The following TSPAN9 variants were observed in gnomAD, a reference collection of about 807,000 sequenced individuals.
TSPAN9 encodes tetraspanin-9.
Under a neutral mutation model 31.0 loss-of-function variants are expected in TSPAN9, and 16 were observed. The ratio of observed to expected loss-of-function variants is 0.52; its 90% confidence interval spans 0.35 to 0.78. The LOEUF (loss-of-function observed/expected upper bound fraction) is 0.78. TSPAN9 is among the 30% of genes least tolerant of loss of function. The pLI, the probability that TSPAN9 is intolerant of heterozygous loss-of-function variation, is 0.01. For missense variants in TSPAN9, 272 were observed against 312.5 expected, an observed-to-expected ratio of 0.87 and a Z score of 0.98; for synonymous variants, 145 against 121.6, an observed-to-expected ratio of 1.19 and a Z score of -1.27.
At chr12:3,222,449 C>T (rs1255636720) in intron 3 of TSPAN9, among the ~76,000 whole-genome samples, 1 of 152,216 alleles carries the variant, frequency 6.6e-6, no homozygotes, top group Non-Finnish European at 1.5e-5. Context: ...CGTCTCCAGG[C>T]GTAAGACCTT....
Position 3,165,616 on chromosome 12 carries a change from A to G in TSPAN9, c.-17-35561A>G, listed in dbSNP as rs113395112. 3.0e-3 allele frequency among the ~76,000 whole-genome samples: 454 copies of G among 152,282 alleles called. 2 individuals carry two copies. Among genetic ancestry groups the G allele is most frequent in the African/African-American group, 0.011 (437 of 41,560 alleles). ...TGTACAGAAGGAGATACTGAGGCCC[A>G]GAGAGAGTTGCTCGCAAAGCTGTGG... On this transcript the variant is annotated intron_variant, in intron 2 of 8. Transcript: ENST00000011898.
intron 3 of TSPAN9, among the ~76,000 whole-genome samples, chr12:3,255,529 C>T (rs1860385): frequency 0.38 from 57,390 of 151,948 alleles, 13,211 homozygotes; most frequent in South Asian, 0.54. Context: ...CCCTGTGCCA[C>T]CCCAAAGGCA....
intron 1 of TSPAN9, among the ~76,000 whole-genome samples, chr12:3,077,836 G>T (rs972979151): frequency 6.6e-6 from 1 of 152,142 alleles, no homozygotes; most frequent in African/African-American, 2.4e-5. Flanking sequence ...CCCAGAGAGG[G>T]CCAGGGGGCC....
In TSPAN9 at chr12:3,147,395, C is replaced by T. The variant is rs987709991; in HGVS notation, c.-17-53782C>T. 3.3e-5 allele frequency among the ~76,000 whole-genome samples: 5 copies of T among 152,304 alleles called. No homozygotes were observed. The highest frequency in any genetic ancestry group is 6.5e-5 in the Admixed American group (1 of 15,304). On this transcript the variant is annotated intron_variant, in intron 2 of 8. Coordinates refer to ENST00000011898, the MANE Select transcript of TSPAN9 (RefSeq NM_006675.5). The surrounding 1 kb of genome is among the most constrained non-coding windows in gnomAD (Gnocchi z 4.3). ...GTGTTGGGGCCCGGGAGACCCTCGC[C>T]GAGGAGCAAGGTTGGTGGTGGGCAT... is the stretch of plus-strand genomic sequence containing the variant.
intron 3 of TSPAN9, among the ~76,000 whole-genome samples, chr12:3,235,823 G>T (rs2098393459): frequency 6.6e-6 from 1 of 152,204 alleles, no homozygotes; most frequent in Admixed American, 6.5e-5. Flanking sequence ...TGCCTGTGTG[G>T]GGGGACAGCA....
intron 2 of TSPAN9, among the ~76,000 whole-genome samples, chr12:3,144,970 T>C (rs189812236): frequency 1.3e-5 from 2 of 152,366 alleles, no homozygotes; most frequent in Admixed American, 1.3e-4. Flanking sequence ...TTGTGTTTCT[T>C]AGCATTTAAT....
intron 3 of TSPAN9, among the ~76,000 whole-genome samples, chr12:3,246,221 C>T (rs1312362690): frequency 6.6e-6 from 1 of 151,844 alleles, no homozygotes; most frequent in Non-Finnish European, 1.5e-5. Flanking sequence ...TCAAACGACC[C>T]AGTCTTGTGA....
At chr12:3,223,032 C>T (rs55650465) in intron 3 of TSPAN9, among the ~76,000 whole-genome samples, 44,006 of 152,078 alleles carry the variant, frequency 0.29, 6,539 homozygotes, top group East Asian at 0.4. Context: ...CTGCAGGAGC[C>T]GAGTGCCTGA....
chr12:3,283,230 A>G lies in TSPAN9; in HGVS notation c.*114A>G. 1.8e-6 allele frequency: 2 copies of G among 1,088,904 alleles called. No individual in the cohort carries two copies. The highest frequency in any genetic ancestry group is 2.6e-6 in the Non-Finnish European group (2 of 763,532). 67.5% of individuals were successfully genotyped at this position (1,088,904 alleles called of 1,614,324 possible). ...TATGACCCCTGCACCCACCCCCCAC[A>G]GCCTGCCCTACCCCACCTACCCTGC... On this transcript the variant is annotated 3_prime_UTR_variant, in exon 9 of 9. Coordinates refer to ENST00000011898, the MANE Select transcript of TSPAN9 (RefSeq NM_006675.5).
chr12:3,253,396 C>G (rs1383322401), intron 3 of TSPAN9, among the ~76,000 whole-genome samples: 1 of 152,196 alleles, frequency 6.6e-6, no homozygotes. Flanking sequence ...AGCTCTCACC[C>G]TGGTAAGTTC....
chr12:3,257,208 C>T (rs1205390260), intron 3 of TSPAN9, among the ~76,000 whole-genome samples: 1 of 151,696 alleles, frequency 6.6e-6, no homozygotes, highest in Non-Finnish European at 1.5e-5. Flanking sequence ...GCCAGTTCTG[C>T]AGGGAGTAAG....
intron 3 of TSPAN9, among the ~76,000 whole-genome samples, chr12:3,223,221 A>C (rs1401809223): frequency 6.6e-6 from 1 of 152,230 alleles, no homozygotes; most frequent in Non-Finnish European, 1.5e-5. Context: ...CATTAACATG[A>C]GAAATGTGCT....
intron 2 of TSPAN9, among the ~76,000 whole-genome samples, chr12:3,123,296 C>T (rs1482807468): frequency 6.6e-6 from 1 of 152,192 alleles, no homozygotes; most frequent in Non-Finnish European, 1.5e-5. Context: ...TGCCCTAGAG[C>T]CCTGTCCCAG....
At chr12:3,114,039 G>A (rs1483261203) in intron 2 of TSPAN9, among the ~76,000 whole-genome samples, 5 of 152,264 alleles carry the variant, frequency 3.3e-5, no homozygotes, top group South Asian at 4.1e-4. Context: ...TAAACCCCAC[G>A]AGGACTTAAT....
rs1565592860 is a variant in TSPAN9, at chr12:3,147,728, G to A, written c.-17-53449G>A. On this transcript the variant is annotated intron_variant, in intron 2 of 8. Transcript: ENST00000011898. The surrounding 1 kb of genome is among the most constrained non-coding windows in gnomAD (Gnocchi z 4.3). ...AGTTTTAACTTAAAATGGAAATGTAGGTGGCCACATGTTGCTAGTGGCTGC... is the reference window on the plus strand; with the variant it reads ...AGTTTTAACTTAAAATGGAAATGTAAGTGGCCACATGTTGCTAGTGGCTGC... Among the ~76,000 whole-genome samples the A allele has an allele frequency of 6.6e-6, 1 of 152,220 alleles. No individual in the cohort carries two copies. Among genetic ancestry groups the A allele is most frequent in the Non-Finnish European group, 1.5e-5 (1 of 68,032 alleles).
chr12:3,202,060 G>A (rs140846187), intron 3 of TSPAN9, among the ~76,000 whole-genome samples: 1 of 152,352 alleles, frequency 6.6e-6, no homozygotes, highest in Non-Finnish European at 1.5e-5. Context: ...AGGTATGAAT[G>A]GGTAGGGCAG....
chr12:3,247,222 A>G (rs562127), intron 3 of TSPAN9, among the ~76,000 whole-genome samples: 128,588 of 148,898 alleles, frequency 0.86, 57,223 homozygotes, highest in Non-Finnish European at 0.98. Context: ...ACAAAGGCCC[A>G]TGAAACTTAC....
chr12:3,137,792 C>G (rs1477964087), intron 2 of TSPAN9, among the ~76,000 whole-genome samples: 1 of 152,226 alleles, frequency 6.6e-6, no homozygotes, highest in South Asian at 2.1e-4. Context: ...CAAGGGAGGG[C>G]TTTTTCTTTT....
At chr12:3,234,878 AGGCCG>A (rs1161549886) in intron 3 of TSPAN9, among the ~76,000 whole-genome samples, 10 of 151,880 alleles carry the variant, frequency 6.6e-5, no homozygotes, top group African/African-American at 2.4e-4. Context: ...TAGGTAAGTG[AGGCCG>A]GGCGTGGTGG....
Sources: allele counts gnomAD v4.1 joint callset (sites outside exome capture counted in the v4.1 genomes callset), GRCh38; gene constraint gnomAD v4.1.1; non-coding constraint Gnocchi (gnomAD v3.1); transcripts MANE v1.5; gene names NCBI Gene and HGNC (gene_info 2026-07-23, HGNC 2026-07-21).